Variants in ADAMDEC1 observed in about 807,000 individuals in gnomAD.
ADAMDEC1 encodes the protein ADAM DEC1.
In ADAMDEC1, 62 loss-of-function variants were observed where a neutral mutation model predicts 60.4. That is an observed-to-expected ratio of 1.03 (90% CI 0.84 to 1.27). The LOEUF is 1.27. ADAMDEC1 is among the 50% of genes most tolerant of loss of function. The pLI, the probability that ADAMDEC1 is intolerant of heterozygous loss-of-function variation, is 0.00. For synonymous variants in ADAMDEC1, 210 were observed against 195.1 expected (o/e 1.08, Z -0.64); for missense variants, 595 against 565.0 (o/e 1.05, Z -0.54).
At chr8:24,405,214 T>A in intron 13 of ADAMDEC1, 78 bp from the exon 14 acceptor site, 1 of 1,335,552 alleles carries the variant, frequency 7.5e-7, no homozygotes, top group Non-Finnish European at 1.1e-6. Context: ...ATTCTATACA[T>A]TTTCATTATC....
chr8:24,401,832 G>A (rs1233521324), intron 11 of ADAMDEC1, 83 bp from the exon 12 acceptor site: 13 of 1,179,410 alleles, frequency 1.1e-5, no homozygotes, highest in African/African-American at 1.5e-5. Context: ...TCAGAGTCTC[G>A]TGTTTCTTTA....
At chr8:24,392,194 C>T in intron 1 of ADAMDEC1, 68 bp from the exon 2 acceptor site, 1 of 1,226,650 alleles carries the variant, frequency 8.2e-7, no homozygotes, top group African/African-American at 1.5e-5. Flanking sequence ...GAAATGAAAA[C>T]AAAACACAAC....
rs1817519825 is a variant in ADAMDEC1, at chr8:24,394,103, TACTCACCCAGAGGAG to T, written c.321_335del (p.Tyr107_Glu112delinsTer). 6.2e-7 allele frequency: 1 copy of T among 1,613,504 alleles called. No individual in the cohort carries two copies. Among genetic ancestry groups the T allele is most frequent in the African/African-American group, 1.3e-5 (1 of 75,026 alleles). On this transcript the variant is annotated stop_gained and inframe_deletion, in exon 4 of 14. Transcript: ENST00000256412. LOFTEE classifies it high-confidence loss of function. ...GGGGCCAGACTACACTGAAACATTG[TACTCACCCAGAGGAG>T]AGGAAATTACCACGAAACCTGAGAA...
chr8:24,398,170 A>C (rs1338785645), intron 7 of ADAMDEC1, among the ~76,000 whole-genome samples: 1 of 151,898 alleles, frequency 6.6e-6, no homozygotes, highest in Non-Finnish European at 1.5e-5. Flanking sequence ...CTATCTAGTA[A>C]ATATTGTTTT....
chr8:24,400,039 T>C, intron 10 of ADAMDEC1, 131 bp from the exon 11 acceptor site: 1 of 678,264 alleles, frequency 1.5e-6, no homozygotes, highest in Non-Finnish European at 2.2e-6. Flanking sequence ...TTTCAACGTT[T>C]TGCAATACAC....
chr8:24,389,829 A>G (rs1028286667), intron 1 of ADAMDEC1, among the ~76,000 whole-genome samples: 3 of 152,142 alleles, frequency 2.0e-5, no homozygotes, highest in Admixed American at 6.6e-5. Flanking sequence ...CTAAAGAACA[A>G]TATGGTTCAG....
chr8:24,400,377 A>G, intron 11 of ADAMDEC1, 77 bp downstream of exon 11: 1 of 1,409,200 alleles, frequency 7.1e-7, no homozygotes, highest in Non-Finnish European at 9.5e-7. Context: ...ATTATTCTCT[A>G]TTGTTTAATT....
intron 11 of ADAMDEC1, among the ~76,000 whole-genome samples, chr8:24,400,882 C>T (rs569676909): frequency 6.1e-5 from 9 of 147,920 alleles, no homozygotes; most frequent in Admixed American, 1.4e-4. Context: ...TAAGAAAATG[C>T]GGTGTTTGGT....
chr8:24,397,259 A>C lies in ADAMDEC1; in HGVS notation c.441-11A>C. 1.2e-6 allele frequency: 2 copies of C among 1,604,280 alleles called. No individual in the cohort carries two copies. The highest frequency in any genetic ancestry group is 1.7e-6 in the Non-Finnish European group (2 of 1,176,170). ...CAGGAATCCTGAAATATAAGTCTCT[A>C]TATCTCCCAGAGGATACTTCACACA... On this transcript the variant is annotated splice_polypyrimidine_tract_variant and intron_variant, in intron 5 of 13. Transcript: ENST00000256412.
chr8:24,394,195 T>G (rs113427980), intron 4 of ADAMDEC1, 48 bp downstream of exon 4: 3 of 1,443,014 alleles, frequency 2.1e-6, no homozygotes, highest in African/African-American at 1.4e-5. Context: ...TAGATGTTAT[T>G]AGTTTGTGCT....
At chr8:24,395,650 C>A in intron 4 of ADAMDEC1, 70 bp from the exon 5 acceptor site, 4 of 1,005,556 alleles carry the variant, frequency 4.0e-6, no homozygotes, top group Non-Finnish European at 4.6e-6. Context: ...ATAGTTTATA[C>A]ATTACACACA....
intron 7 of ADAMDEC1, 31 bp from the exon 8 acceptor site, chr8:24,398,449 T>G (rs1400647714): frequency 1.5e-6 from 2 of 1,355,764 alleles, no homozygotes; most frequent in Non-Finnish European, 2.1e-6. Flanking sequence ...AATCTGCTAT[T>G]TCACTATACT....
chr8:24,391,004 C>T (rs540455478), intron 1 of ADAMDEC1, among the ~76,000 whole-genome samples: 63 of 152,226 alleles, frequency 4.1e-4, no homozygotes, highest in African/African-American at 1.4e-3. Flanking sequence ...ATTCCAAGCG[C>T]ATGGCTTTTT....
chr8:24,401,256 G>A (rs1193505106), intron 11 of ADAMDEC1, among the ~76,000 whole-genome samples: 1 of 152,038 alleles, frequency 6.6e-6, no homozygotes, highest in Non-Finnish European at 1.5e-5. Flanking sequence ...GAGCTTGCAC[G>A]TATGATGACC....
chr8:24,384,656 C>T (rs746764390), intron 1 of ADAMDEC1, 64 bp downstream of exon 1: 1 of 1,424,370 alleles, frequency 7.0e-7, no homozygotes, highest in Non-Finnish European at 9.6e-7. Context: ...TTTAAAGTGC[C>T]TTTTGAAAAA....
Position 24,392,143 on chromosome 8 carries a change from T to C in ADAMDEC1, c.89-119T>C, listed in dbSNP as rs909973133. ...CTTGTTATTCATAATGTTTGCTCTC[T>C]ACATAGGAATGTAGTCTTCACTGCT... On this transcript the variant is annotated intron_variant, in intron 1 of 13. Transcript: ENST00000256412. The C allele has an allele frequency of 1.1e-5, 7 of 641,960 alleles. No individual in the cohort carries two copies. In the African/African-American group the frequency reaches 1.3e-4, roughly 12 times the overall value. The allele number at this position is 641,960 out of a possible 1,614,324, so 39.8% of individuals were successfully genotyped here. A position where few individuals can be genotyped will look rare whatever the true frequency, so the allele number is the denominator to read the frequency against.
At chr8:24,387,020 C>A (rs1193200123) in intron 1 of ADAMDEC1, 1 of 152,240 alleles carries the variant, frequency 6.6e-6, no homozygotes, top group Non-Finnish European at 1.5e-5. Context: ...TTTTAGCTAG[C>A]ACTGACCAGT....
At chr8:24,396,498 C>T (rs955817934) in intron 5 of ADAMDEC1, among the ~76,000 whole-genome samples, 67 of 152,092 alleles carry the variant, frequency 4.4e-4, no homozygotes, top group African/African-American at 1.6e-3. Context: ...GGCGACAGAG[C>T]GAGACTCCGT....
Position 24,392,334 on chromosome 8 carries a change from A to G in ADAMDEC1, c.161A>G (p.His54Arg). The G allele has an allele frequency of 2.5e-6, 4 of 1,612,682 alleles. No individual in the cohort carries two copies. Among genetic ancestry groups the G allele is most frequent in the African/African-American group, 1.3e-5 (1 of 75,028 alleles). Residue 54 changes from histidine to arginine, a missense_variant, in exon 2 of 14, where the codon CAC becomes CGC. Physicochemically the swap from His to Arg is conservative, Grantham distance 29. Transcript: ENST00000256412. ...IVCPKKLHIL[H>R]KREIKNNQTE... ...TGTCCTAAAAAACTTCACATTTTAC[A>G]CAAAAGAGAGATCAAGAACAACCAG...
Sources: gnomAD v4.1 joint callset for allele counts (sites outside exome capture counted in the v4.1 genomes callset) on GRCh38, gnomAD v4.1.1 for gene constraint, MANE v1.5 for transcripts, NCBI Gene and HGNC (gene_info 2026-07-23, HGNC 2026-07-21) for gene names.